Variants in ZNF516 observed in about 807,000 individuals in gnomAD.
ZNF516 encodes the protein zinc finger protein 516.
Under a neutral mutation model 79.7 loss-of-function variants are expected in ZNF516, and 19 were observed. The observed-to-expected ratio is 0.24, with a 90% CI of 0.17 to 0.35. The LOEUF (loss-of-function observed/expected upper bound fraction) is 0.35, where lower values mean the gene tolerates loss of function less well. ZNF516 is among the 10% of genes least tolerant of loss of function. The pLI is 1.00. For missense variants in ZNF516, 1,678 were observed against 1,679.5 expected (o/e 1.00, Z 0.02); for synonymous variants, 877 against 739.5 (o/e 1.19, Z -3.02).
At chr18:76,395,664 G>A (rs2075134970) in intron 3 of ZNF516, among the ~76,000 whole-genome samples, 1 of 151,992 alleles carries the variant, frequency 6.6e-6, no homozygotes, top group Non-Finnish European at 1.5e-5. Context: ...AGTCACTGGA[G>A]TCAGTGACCA....
intron 2 of ZNF516, among the ~76,000 whole-genome samples, chr18:76,445,929 T>C (rs1413915882): frequency 6.6e-6 from 1 of 152,246 alleles, no homozygotes; most frequent in Non-Finnish European, 1.5e-5. Context: ...CAGCAGCTCC[T>C]GGGGTCTGCG....
At chr18:76,444,728 G>C (rs1320185821) in intron 2 of ZNF516, among the ~76,000 whole-genome samples, 1 of 152,214 alleles carries the variant, frequency 6.6e-6, no homozygotes, top group Non-Finnish European at 1.5e-5. Flanking sequence ...GGTGTCAAGA[G>C]TGTCCCCATA....
intron 3 of ZNF516, among the ~76,000 whole-genome samples, chr18:76,435,137 AAGAG>A (rs923929252): frequency 6.6e-6 from 1 of 152,042 alleles, no homozygotes; most frequent in Non-Finnish European, 1.5e-5. Context: ...CTTGAGTTAA[AAGAG>A]AGAGAGAAGA....
At chr18:76,453,590 G>A (rs998285960) in intron 2 of ZNF516, among the ~76,000 whole-genome samples, 3 of 152,182 alleles carry the variant, frequency 2.0e-5, no homozygotes, top group Non-Finnish European at 4.4e-5. Flanking sequence ...TGGAAAATCA[G>A]AAGGCCTTCG....
chr18:76,479,309 T>C (rs1914361056), intron 1 of ZNF516, among the ~76,000 whole-genome samples: 2 of 152,214 alleles, frequency 1.3e-5, no homozygotes, highest in South Asian at 4.1e-4. Context: ...GGCCACATTC[T>C]CTCAGCAAAC....
intron 3 of ZNF516, among the ~76,000 whole-genome samples, chr18:76,394,960 A>G (rs1024659302): frequency 6.6e-6 from 1 of 152,156 alleles, no homozygotes; most frequent in Non-Finnish European, 1.5e-5. Flanking sequence ...GTTGACTGGA[A>G]GAACCGGATG....
chr18:76,411,996 G>A (rs886420698), intron 3 of ZNF516, among the ~76,000 whole-genome samples: 1 of 152,192 alleles, frequency 6.6e-6, no homozygotes, highest in Non-Finnish European at 1.5e-5. Flanking sequence ...GTCAACCCGA[G>A]ATGATCCCAG....
At chr18:76,439,918 G>A (rs1212933259) in intron 3 of ZNF516, among the ~76,000 whole-genome samples, 5 of 151,612 alleles carry the variant, frequency 3.3e-5, no homozygotes, top group African/African-American at 2.4e-5. Flanking sequence ...CAGGGGTCAC[G>A]ATGGGGTCAA....
chr18:76,442,722 C>T lies in ZNF516; in HGVS notation c.333G>A (p.Leu111=), dbSNP rs1379763645. Residue 111 remains leucine, a synonymous_variant, in exon 3 of 7, where the codon CTG becomes CTA. Transcript: ENST00000443185. ...TCTTGGTGGGGCTGGCGCAGGCGTC[C>T]AGGCCCTCGGAGGCGCGCATCTCAC... ...PLGEMRASEG[L]DACASPTKSA... The T allele has an allele frequency of 6.3e-7, 1 of 1,581,758 alleles. No homozygotes were observed. The highest frequency in any genetic ancestry group is 8.6e-7 in the Non-Finnish European group (1 of 1,164,560).
At chr18:76,427,947 T>C (rs1221811783) in intron 3 of ZNF516, among the ~76,000 whole-genome samples, 1 of 152,158 alleles carries the variant, frequency 6.6e-6, no homozygotes, top group African/African-American at 2.4e-5. Flanking sequence ...TTTAGAAAAT[T>C]TATAATACTA....
At chr18:76,418,231 G>A (rs912689415) in intron 3 of ZNF516, among the ~76,000 whole-genome samples, 9 of 150,648 alleles carry the variant, frequency 6.0e-5, no homozygotes, top group African/African-American at 7.3e-5. Flanking sequence ...TGTAACACAC[G>A]CTATCACACT....
At position 76,441,892 on chromosome 18, in the gene ZNF516, T is replaced by C. The variant is rs765071002; in HGVS notation, c.1163A>G (p.Asn388Ser). ...GTCGCCGGCCGCCGACGGCCTCAGG[T>C]TCAGGCACTGGAGGAAGAACTGCTT... ...DTKQFFLQCL[N>S]LRPSAAGDSC... The change falls in exon 3 of 7, where the codon AAC becomes AGC. Residue 388 changes from asparagine to serine, a missense_variant. Transcript: ENST00000443185. 5 of 1,597,394 alleles carry C rather than the reference T, an allele frequency of 3.1e-6. No individual in the cohort carries two copies. The East Asian group carries it at 9.0e-5, about 29-fold the overall frequency.
chr18:76,431,402 C>A (rs1008849640), intron 3 of ZNF516, among the ~76,000 whole-genome samples: 6 of 152,182 alleles, frequency 3.9e-5, no homozygotes, highest in African/African-American at 1.4e-4. Flanking sequence ...GCCACAGATT[C>A]CTTTAAGAAC....
intron 1 of ZNF516, among the ~76,000 whole-genome samples, chr18:76,479,311 T>G (rs553657852): frequency 6.6e-6 from 1 of 152,298 alleles, no homozygotes; most frequent in African/African-American, 2.4e-5. Flanking sequence ...CCACATTCTC[T>G]CAGCAAACCA....
upstream of ZNF516, chr18:76,495,682 G>A (rs1411032858): frequency 6.7e-6 from 8 of 1,187,838 alleles, no homozygotes; most frequent in South Asian, 2.8e-5. Context: ...GCGCACACGC[G>A]CATCCATACG....
Position 76,493,132 on chromosome 18 carries a change from A to C in ZNF516, c.-272+2012T>G, listed in dbSNP as rs1286526247. Reference sequence around the variant, plus strand: ...TTCCTCCTCTCCTCCCTACCGTTTCATTTAATGGTAAAACAACAGCAGAGC... The same window carrying C: ...TTCCTCCTCTCCTCCCTACCGTTTCCTTTAATGGTAAAACAACAGCAGAGC... On this transcript the variant is annotated intron_variant, in intron 1 of 6. Transcript: ENST00000443185. The surrounding 1 kb of genome is among the most constrained non-coding windows in gnomAD (Gnocchi z 5.2). 1 of 984,438 alleles carries C rather than the reference A, an allele frequency of 1.0e-6. No homozygotes were observed. The highest frequency in any genetic ancestry group is 1.1e-4 in the East Asian group (1 of 8,814). 61.0% of individuals were successfully genotyped at this position (984,438 alleles called of 1,614,324 possible).
Position 76,379,387 on chromosome 18 carries a change from C to T in ZNF516, c.2727G>A (p.Arg909=), listed in dbSNP as rs771418758. 65 of 1,600,662 alleles carry T rather than the reference C, an allele frequency of 4.1e-5. 1 individual carries two copies. The South Asian group carries it at 5.6e-4, about 14-fold the overall frequency. ...GCACCGGTTTGGAGCTAGCCTCCTG[C>T]CTGGGCTTGGCCAGGGGCCCCTGTG... ...AATQGPLAKP[R]QEASSKPVPA... Residue 909 remains arginine (R), a synonymous_variant, in exon 4 of 7, where the codon AGG becomes AGA. Coordinates refer to ENST00000443185, the MANE Select transcript of ZNF516 (RefSeq NM_014643.4).
intron 3 of ZNF516, among the ~76,000 whole-genome samples, chr18:76,398,171 T>A (rs1450741943): frequency 6.6e-6 from 1 of 152,202 alleles, no homozygotes; most frequent in African/African-American, 2.4e-5. Context: ...GTTTTTCTGT[T>A]GTGAATCAAA....
intron 1 of ZNF516, among the ~76,000 whole-genome samples, chr18:76,488,853 T>C (rs1406909884): frequency 2.0e-5 from 3 of 152,242 alleles, no homozygotes; most frequent in Admixed American, 1.3e-4. Context: ...TTAATAGCAA[T>C]GCCTTCTTCA....
Sources: gnomAD v4.1 joint callset for allele counts (sites outside exome capture counted in the v4.1 genomes callset) on GRCh38, gnomAD v4.1.1 for gene constraint, Gnocchi (gnomAD v3.1) non-coding constraint, MANE v1.5 for transcripts, NCBI Gene and HGNC (gene_info 2026-07-23, HGNC 2026-07-21) for gene names.